The following MDGA2 variants were observed in gnomAD, a reference collection of about 807,000 sequenced individuals.
MDGA2 encodes MAM domain-containing glycosylphosphatidylinositol anchor protein 2.
A neutral mutation model predicts 117.8 loss-of-function variants in MDGA2; 40 were observed. The ratio of observed to expected loss-of-function variants is 0.34; its 90% confidence interval spans 0.26 to 0.44. The LOEUF is 0.44. Among genes scored for constraint, MDGA2 ranks in the 20% least tolerant of loss-of-function variants. MDGA2 has a pLI of 1.00. For synonymous variants in MDGA2, 452 were observed against 439.0 expected, an observed-to-expected ratio of 1.03 and a Z score of -0.37; for missense variants, 1,123 against 1,250.6, an observed-to-expected ratio of 0.90 and a Z score of 1.54.
In MDGA2 at chr14:47,155,888, C is replaced by CTTTTTTTTTTT. The variant is rs55827732; in HGVS notation, c.596-11625_596-11615dup. ...ATTCTTTTCTTTTCTTCTTCTTCTT[C>CTTTTTTTTTTT]TTTTTTTTTTTTTTTTTTTTTTTTT... On this transcript the variant is annotated intron_variant, in intron 3 of 16. Transcript: ENST00000399232. Among the ~76,000 whole-genome samples the CTTTTTTTTTTT allele has an allele frequency of 2.2e-3, 88 of 40,140 alleles. 9 individuals carry two copies. The highest frequency in any genetic ancestry group is 3.1e-3 in the Non-Finnish European group (72 of 23,044). The allele number at this position is 40,140 out of a possible 152,430, so 26.3% of individuals were successfully genotyped here.
chr14:47,201,432 T>G (rs1435600621), intron 3 of MDGA2, among the ~76,000 whole-genome samples: 1 of 152,196 alleles, frequency 6.6e-6, no homozygotes, highest in African/African-American at 2.4e-5. Flanking sequence ...CCTTTTACCT[T>G]GGCCTCCCAT....
At chr14:47,053,609 A>G (rs1055375370) in intron 7 of MDGA2, among the ~76,000 whole-genome samples, 1,860 of 14,694 alleles carry the variant, frequency 0.13, 18 homozygotes, top group East Asian at 0.29. Flanking sequence ...GTGTATATAT[A>G]TATATATATA....
At chr14:47,168,639 C>G (rs2139308756) in intron 3 of MDGA2, among the ~76,000 whole-genome samples, 1 of 152,142 alleles carries the variant, frequency 6.6e-6, no homozygotes, top group Admixed American at 6.5e-5. Context: ...GTACTGAGTT[C>G]TAGAAACAAA....
chr14:47,294,279 T>C, intron 2 of MDGA2, among the ~76,000 whole-genome samples: 1 of 151,862 alleles, frequency 6.6e-6, no homozygotes, highest in Admixed American at 6.6e-5. Context: ...TATTTCTTTG[T>C]AAAAACAAGG....
intron 3 of MDGA2, among the ~76,000 whole-genome samples, chr14:47,177,757 A>G (rs1225802828): frequency 6.6e-6 from 1 of 152,152 alleles, no homozygotes; most frequent in Non-Finnish European, 1.5e-5. Flanking sequence ...ATATGTAACT[A>G]ACTTGCACAT....
chr14:47,399,935 T>A (rs1348973550), intron 1 of MDGA2, among the ~76,000 whole-genome samples: 1 of 152,062 alleles, frequency 6.6e-6, no homozygotes, highest in African/African-American at 2.4e-5. Context: ...ACTGAGAATA[T>A]ATAATTAAGC....
At chr14:46,981,686 T>C (rs1475615368) in intron 8 of MDGA2, among the ~76,000 whole-genome samples, 2 of 152,182 alleles carry the variant, frequency 1.3e-5, no homozygotes, top group Admixed American at 6.5e-5. Flanking sequence ...CACTGTAAGA[T>C]GAAGTGATCC....
chr14:47,036,529 A>T (rs1313828534), intron 7 of MDGA2, among the ~76,000 whole-genome samples: 1 of 152,204 alleles, frequency 6.6e-6, no homozygotes, highest in Admixed American at 6.5e-5. Context: ...ATTCAAATGC[A>T]TTTGTGCAGT....
chr14:47,510,173 G>T (rs1054301170), intron 1 of MDGA2, among the ~76,000 whole-genome samples: 6 of 152,068 alleles, frequency 3.9e-5, no homozygotes, highest in Non-Finnish European at 5.9e-5. Flanking sequence ...AAGGGGCCCC[G>T]GAGAGCTCCC....
chr14:47,572,770 A>G (rs1273449909), intron 1 of MDGA2, among the ~76,000 whole-genome samples: 2 of 152,188 alleles, frequency 1.3e-5, no homozygotes, highest in African/African-American at 2.4e-5. Flanking sequence ...TTTTTTCACA[A>G]TGGAAAATTA....
chr14:47,560,235 T>A (rs1895771839), intron 1 of MDGA2, among the ~76,000 whole-genome samples: 1 of 148,550 alleles, frequency 6.7e-6, no homozygotes, highest in Admixed American at 6.7e-5. Flanking sequence ...GCCCGACTAA[T>A]TTTTTTTTTG....
intron 9 of MDGA2, among the ~76,000 whole-genome samples, chr14:46,954,012 T>C (rs1274425737): frequency 6.6e-6 from 1 of 152,094 alleles, no homozygotes; most frequent in Non-Finnish European, 1.5e-5. Context: ...TTCTCTGCTA[T>C]ATTGTGTAAT....
At chr14:47,620,153 A>ATGC (rs1897023717) in intron 1 of MDGA2, among the ~76,000 whole-genome samples, 1 of 152,260 alleles carries the variant, frequency 6.6e-6, no homozygotes, top group Non-Finnish European at 1.5e-5. Context: ...CATCGAATTG[A>ATGC]TGCTACATTT....
chr14:46,864,603 C>CA (rs61055938), intron 14 of MDGA2, among the ~76,000 whole-genome samples: 1,169 of 73,408 alleles, frequency 0.016, 25 homozygotes, highest in Middle Eastern at 0.039. Flanking sequence ...AACCCTGTGT[C>CA]AAAAAAAAAA....
chr14:47,373,883 G>C (rs1008419518), intron 1 of MDGA2, among the ~76,000 whole-genome samples: 2 of 152,136 alleles, frequency 1.3e-5, no homozygotes, highest in Admixed American at 1.3e-4. Flanking sequence ...CATGATAACT[G>C]TTTCTTAACA....
chr14:47,541,443 G>A (rs753968990), intron 1 of MDGA2, among the ~76,000 whole-genome samples: 1 of 152,102 alleles, frequency 6.6e-6, no homozygotes, highest in Non-Finnish European at 1.5e-5. Flanking sequence ...TTCCTCGTTT[G>A]GTTTCTAAAT....
intron 2 of MDGA2, among the ~76,000 whole-genome samples, chr14:47,297,515 A>G (rs1889118065): frequency 8.6e-6 from 1 of 115,658 alleles, no homozygotes; most frequent in African/African-American, 3.3e-5. Flanking sequence ...AAGGGAAGGG[A>G]AGGGGCAGGG....
At chr14:47,173,480 G>A (rs192041172) in intron 3 of MDGA2, among the ~76,000 whole-genome samples, 308 of 152,328 alleles carry the variant, frequency 2.0e-3, no homozygotes, top group African/African-American at 7.0e-3. Flanking sequence ...CCAGAAGAGA[G>A]TGGAGGCCAA....
intron 7 of MDGA2, among the ~76,000 whole-genome samples, chr14:47,041,608 T>C (rs1889072389): frequency 1.3e-5 from 2 of 150,502 alleles, no homozygotes; most frequent in Non-Finnish European, 3.0e-5. Context: ...AAAAACATGA[T>C]ATGACACCAA....
Sources: allele counts gnomAD v4.1 joint callset (sites outside exome capture counted in the v4.1 genomes callset), GRCh38; gene constraint gnomAD v4.1.1; transcripts MANE v1.5; gene names NCBI Gene and HGNC (gene_info 2026-07-23, HGNC 2026-07-21).